PDE12: variants seen among roughly 807,000 people sequenced by gnomAD.
PDE12 encodes the protein 2',5'-phosphodiesterase 12.
A neutral mutation model predicts 45.4 loss-of-function variants in PDE12; 26 were observed. The observed-to-expected ratio is 0.57, with a 90% CI of 0.42 to 0.79. The LOEUF (loss-of-function observed/expected upper bound fraction) is 0.79, where lower values mean the gene tolerates loss of function less well. Ranked by LOEUF, PDE12 falls within the 30% of genes least tolerant of loss-of-function variation. The pLI is 0.00. For missense variants in PDE12, 668 were observed against 790.0 expected (o/e 0.85, Z 1.85); for synonymous variants, 283 against 323.9 (o/e 0.87, Z 1.36).
At chr3:57,642,073 C>T in the PDE12 span, among the ~76,000 whole-genome samples, 934 of 151,880 alleles carry the variant, frequency 6.1e-3, 30 homozygotes, top group Admixed American at 0.049. Flanking sequence ...CCAGCACTTT[C>T]GGAGGCTGAG....
chr3:57,571,910 CA>C, the PDE12 span: 2 of 254,500 alleles, frequency 7.9e-6, no homozygotes, highest in Non-Finnish European at 1.5e-5. Context: ...GTCTGGGGCT[CA>C]AAAAACACTC....
chr3:57,585,065 T>C, the PDE12 span, among the ~76,000 whole-genome samples: 2 of 152,116 alleles, frequency 1.3e-5, no homozygotes, highest in Non-Finnish European at 2.9e-5. Flanking sequence ...GGTTTCACCA[T>C]GTTGGCCAGG....
the PDE12 span, among the ~76,000 whole-genome samples, chr3:57,647,929 A>G: frequency 2.0e-5 from 3 of 152,048 alleles, no homozygotes; most frequent in African/African-American, 7.2e-5. Flanking sequence ...TGCAGAAGGG[A>G]AGCCAGGTGT....
At chr3:57,646,861 C>A in the PDE12 span, among the ~76,000 whole-genome samples, 1 of 152,266 alleles carries the variant, frequency 6.6e-6, no homozygotes, top group African/African-American at 2.4e-5. Context: ...AAACCCAATA[C>A]TTCTGACATT....
At chr3:57,653,408 A>G in the PDE12 span, among the ~76,000 whole-genome samples, 1 of 152,168 alleles carries the variant, frequency 6.6e-6, no homozygotes, top group African/African-American at 2.4e-5. Context: ...GGTGGGAGGT[A>G]AGTTTTTAAT....
the PDE12 span, among the ~76,000 whole-genome samples, chr3:57,644,339 C>G: frequency 1.3e-5 from 2 of 151,972 alleles, no homozygotes; most frequent in Non-Finnish European, 2.9e-5. Context: ...GGGTCTCACT[C>G]TGTTCCCCAG....
At chr3:57,649,801 C>A in the PDE12 span, among the ~76,000 whole-genome samples, 52 of 149,726 alleles carry the variant, frequency 3.5e-4, 1 homozygote, top group South Asian at 1.5e-3. Context: ...GTTGGATTGA[C>A]CCCCCACCCC....
rs1464195877 is a variant in PDE12, at chr3:57,559,804, T to G, written c.1630T>G (p.Cys544Gly). 6.2e-7 allele frequency: 1 copy of G among 1,614,064 alleles called. No individual in the cohort carries two copies. The highest frequency in any genetic ancestry group is 2.2e-5 in the East Asian group (1 of 44,892). Reference protein sequence around the residue: ...LTHFFKLKSACGEPAYTNYVG... With the variant: ...LTHFFKLKSAGGEPAYTNYVG... ...ACATTTCTTCAAGCTGAAAAGTGCTTGTGGTGAACCTGCTTACACAAATTA... is the reference window on the plus strand; with the variant it reads ...ACATTTCTTCAAGCTGAAAAGTGCTGGTGGTGAACCTGCTTACACAAATTA... Residue 544 changes from cysteine (C) to glycine (G), a missense_variant, in exon 3 of 3, where the codon TGT becomes GGT. Around this residue, in one of 3 missense-constraint regions of PDE12, gnomAD observed 79 missense variants for 97.9 expected, o/e 0.81. Coordinates refer to ENST00000311180, the MANE Select transcript of PDE12 (RefSeq NM_177966.7).
the PDE12 span, among the ~76,000 whole-genome samples, chr3:57,645,219 T>C: frequency 6.6e-6 from 1 of 152,098 alleles, no homozygotes; most frequent in African/African-American, 2.4e-5. Context: ...TCCCAGCACT[T>C]TGTGAGGCTG....
chr3:57,583,228 A>T, the PDE12 span, among the ~76,000 whole-genome samples: 1 of 152,204 alleles, frequency 6.6e-6, no homozygotes, highest in African/African-American at 2.4e-5. Flanking sequence ...TATTTTTAAC[A>T]AATACCCAGG....
the PDE12 span, among the ~76,000 whole-genome samples, chr3:57,579,411 C>T: frequency 5.3e-5 from 8 of 152,014 alleles, no homozygotes; most frequent in East Asian, 1.6e-3. Context: ...CCTCAGCCTC[C>T]TGAGTAGCTG....
the PDE12 span, among the ~76,000 whole-genome samples, chr3:57,618,386 G>A: frequency 6.6e-6 from 1 of 152,062 alleles, no homozygotes; most frequent in African/African-American, 2.4e-5. Context: ...AATAGATGCA[G>A]ATACAAATGC....
chr3:57,568,668 G>A (rs1052607806), downstream of PDE12, among the ~76,000 whole-genome samples: 4 of 148,914 alleles, frequency 2.7e-5, no homozygotes, highest in Admixed American at 6.7e-5. Context: ...GGATCCTCCC[G>A]CCTCAGCCTC....
the PDE12 span, among the ~76,000 whole-genome samples, chr3:57,602,996 G>A: frequency 1.3e-5 from 2 of 151,722 alleles, no homozygotes; most frequent in East Asian, 2.0e-4. Context: ...GTGAAACCCC[G>A]TCTCTACTAA....
At chr3:57,595,588 C>T in the PDE12 span, among the ~76,000 whole-genome samples, 1 of 152,200 alleles carries the variant, frequency 6.6e-6, no homozygotes, top group South Asian at 2.1e-4. Context: ...TATACTGTTA[C>T]TCTTTATATA....
the PDE12 span, chr3:57,600,015 CTA>C: frequency 2.0e-5 from 3 of 151,792 alleles, no homozygotes; most frequent in Non-Finnish European, 4.4e-5. Context: ...AACCACTACA[CTA>C]TACTACCTTC....
the PDE12 span, among the ~76,000 whole-genome samples, chr3:57,615,856 T>C: frequency 6.6e-6 from 1 of 151,438 alleles, no homozygotes; most frequent in African/African-American, 2.4e-5. Flanking sequence ...AACCAAAACG[T>C]GGTTATTTGA....
downstream of PDE12, among the ~76,000 whole-genome samples, chr3:57,570,604 G>C (rs1039254803): frequency 6.6e-6 from 1 of 151,920 alleles, no homozygotes; most frequent in Admixed American, 6.6e-5. Flanking sequence ...AAATTTAGCT[G>C]AATCTTTACA....
chr3:57,625,020 G>C, the PDE12 span, among the ~76,000 whole-genome samples: 1 of 152,020 alleles, frequency 6.6e-6, no homozygotes, highest in African/African-American at 2.4e-5. Flanking sequence ...TCACCCACCT[G>C]AGCCACCTGA....
Sources: allele counts gnomAD v4.1 joint callset (sites outside exome capture counted in the v4.1 genomes callset), GRCh38; gene constraint gnomAD v4.1.1; regional missense constraint gnomAD v4.1.1; transcripts MANE v1.5; gene names NCBI Gene and HGNC (gene_info 2026-07-23, HGNC 2026-07-21).